MON2: variants seen among roughly 807,000 people sequenced by gnomAD.
MON2 encodes protein MON2 homolog.
A neutral mutation model predicts 208.6 loss-of-function variants in MON2; 84 were observed. The observed-to-expected ratio is 0.40, with a 90% CI of 0.34 to 0.48. The LOEUF is 0.48. MON2 is among the 20% of genes least tolerant of loss of function. The pLI is 0.59. For synonymous variants in MON2, 660 were observed against 694.0 expected, an observed-to-expected ratio of 0.95 and a Z score of 0.77; for missense variants, 1,611 against 2,015.4, an observed-to-expected ratio of 0.80 and a Z score of 3.84.
intron 1 of MON2, among the ~76,000 whole-genome samples, chr12:62,474,688 T>C (rs998767903): frequency 1.2e-4 from 19 of 152,174 alleles, no homozygotes; most frequent in African/African-American, 4.6e-4. Flanking sequence ...CCTCTCAAAG[T>C]GCTAGGATTA....
intron 4 of MON2, among the ~76,000 whole-genome samples, chr12:62,498,648 T>A (rs2070671738): frequency 6.6e-6 from 1 of 152,200 alleles, no homozygotes; most frequent in Admixed American, 6.5e-5. Flanking sequence ...AAGCACGTCA[T>A]TCTGGGGAAA....
intron 30 of MON2, among the ~76,000 whole-genome samples, chr12:62,575,604 C>G (rs2074743708): frequency 6.6e-6 from 1 of 152,194 alleles, no homozygotes. Context: ...TACTCTAAGA[C>G]TTTAAGAATA....
Position 62,565,684 on chromosome 12 carries a change from G to A in MON2, c.4176+304G>A, listed in dbSNP as rs183017809. 3.7e-3 allele frequency among the ~76,000 whole-genome samples: 561 copies of A among 151,792 alleles called. 2 individuals are homozygous for A. The highest frequency in any genetic ancestry group is 0.01 in the Middle Eastern group (3 of 294). On this transcript the variant is annotated intron_variant, in intron 27 of 34. Transcript: ENST00000393630. ...TAAGTTCCTTTGTACCTCTTTCTTG[G>A]TTGCCCCATCCCAATACAAAACAGC...
chr12:62,563,228 A>G (rs2074260705), intron 26 of MON2, among the ~76,000 whole-genome samples: 1 of 152,210 alleles, frequency 6.6e-6, no homozygotes, highest in Non-Finnish European at 1.5e-5. Flanking sequence ...CCTCATCTAT[A>G]AAGTAAAAAT....
chr12:62,529,372 T>TA (rs1399785642), intron 11 of MON2, among the ~76,000 whole-genome samples: 1 of 152,140 alleles, frequency 6.6e-6, no homozygotes, highest in African/African-American at 2.4e-5. Context: ...ATTAAAAAAG[T>TA]AGAGTCCCAG....
At chr12:62,539,514 G>A (rs866843108) in intron 19 of MON2, among the ~76,000 whole-genome samples, 4 of 151,502 alleles carry the variant, frequency 2.6e-5, no homozygotes, top group Admixed American at 1.3e-4. Flanking sequence ...TGATCCGCCC[G>A]CCTCAGCCTC....
At chr12:62,496,248 TCTAG>T (rs1205613937) in intron 4 of MON2, among the ~76,000 whole-genome samples, 2 of 152,088 alleles carry the variant, frequency 1.3e-5, no homozygotes, top group Admixed American at 1.3e-4. Flanking sequence ...CCTCTTGGTT[TCTAG>T]CTATCAAATT....
chr12:62,571,340 TTGTG>T (rs1251399333), intron 29 of MON2, 48 bp from the exon 30 acceptor site: 1 of 1,247,120 alleles, frequency 8.0e-7, no homozygotes, highest in Non-Finnish European at 1.1e-6. Context: ...TTAATTAAAA[TTGTG>T]TGTGTATGTT....
At chr12:62,513,398 G>A (rs1368117498) in intron 8 of MON2, among the ~76,000 whole-genome samples, 1 of 151,846 alleles carries the variant, frequency 6.6e-6, no homozygotes, top group East Asian at 2.0e-4. Context: ...GCTAATTTTT[G>A]TATTTTTAGT....
intron 1 of MON2, 115 bp downstream of exon 1, chr12:62,467,433 T>A (rs2068571811): frequency 2.5e-6 from 2 of 807,600 alleles, no homozygotes; most frequent in Admixed American, 4.6e-5. Flanking sequence ...CCTTTCCAGA[T>A]TTGTGAGTCG....
rs983215009 is a variant in MON2 at position 62,595,883 on chromosome 12, T to C, written c.*3134T>C. ...TTCTTGTTTCTTGTTTTTTCCATTATATGGTTATCGATTCAACTCTTGCTA... is the reference window on the plus strand; with the variant it reads ...TTCTTGTTTCTTGTTTTTTCCATTACATGGTTATCGATTCAACTCTTGCTA... On this transcript the variant is annotated 3_prime_UTR_variant, in exon 35 of 35. Transcript: ENST00000393630. 1 of 152,254 alleles carries C rather than the reference T, an allele frequency of 6.6e-6. No homozygotes were observed. The highest frequency in any genetic ancestry group is 1.5e-5 in the Non-Finnish European group (1 of 68,042). The allele number at this position is 152,254 out of a possible 1,614,324, so 9.4% of individuals were successfully genotyped here.
intron 26 of MON2, among the ~76,000 whole-genome samples, chr12:62,564,002 T>C (rs1402843349): frequency 6.6e-6 from 1 of 152,020 alleles, no homozygotes; most frequent in Non-Finnish European, 1.5e-5. Flanking sequence ...ATTTTTAGAG[T>C]GTATAAATTT....
intron 4 of MON2, 83 bp downstream of exon 4, chr12:62,495,230 A>G (rs1592864899): frequency 2.3e-6 from 3 of 1,313,312 alleles, no homozygotes; most frequent in East Asian, 2.4e-5. Context: ...GCTTGGTGCC[A>G]TTTGAACCAA....
intron 1 of MON2, among the ~76,000 whole-genome samples, chr12:62,478,275 A>G (rs1309808104): frequency 6.6e-6 from 1 of 152,182 alleles, no homozygotes; most frequent in African/African-American, 2.4e-5. Context: ...AATGAGATCT[A>G]TTTCTTATCT....
chr12:62,594,396 A>G lies in MON2; in HGVS notation c.*1647A>G, dbSNP rs1301145386. 6.6e-6 allele frequency: 1 copy of G among 152,150 alleles called. No homozygotes were observed. Among genetic ancestry groups the G allele is most frequent in the Non-Finnish European group, 1.5e-5 (1 of 67,990 alleles). 9.4% of individuals were successfully genotyped at this position (152,150 alleles called of 1,614,324 possible). ...TATTTACATGAATTACTGAATTTCT[A>G]TTTTATTATTTCACCTAAAATTAAG... On this transcript the variant is annotated 3_prime_UTR_variant, in exon 35 of 35. Transcript: ENST00000393630.
At chr12:62,590,224 G>A (rs2075354287) in intron 34 of MON2, among the ~76,000 whole-genome samples, 1 of 152,086 alleles carries the variant, frequency 6.6e-6, no homozygotes, top group Non-Finnish European at 1.5e-5. Flanking sequence ...CCAAGTAGCT[G>A]GGACTGCAGA....
At position 62,553,151 on chromosome 12, in the gene MON2, A is replaced by G; in HGVS notation, c.3187A>G (p.Thr1063Ala). ...GCATGGAACTTTATTACAGCATTCA[A>G]CCTGGCACACTGTTATCTGGAAGGT... ...GAHGTLLQHS[T>A]WHTVIWKVLF... Residue 1063 changes from threonine (T) to alanine (A), a missense_variant, in exon 24 of 35, where the codon ACC (threonine) becomes GCC (alanine). Transcript: ENST00000393630. 2 of 1,614,008 alleles carry G rather than the reference A, an allele frequency of 1.2e-6. No individual in the cohort carries two copies. The highest frequency in any genetic ancestry group is 1.7e-6 in the Non-Finnish European group (2 of 1,179,900).
intron 28 of MON2, 110 bp from the exon 29 acceptor site, chr12:62,566,212 C>A: frequency 7.1e-7 from 1 of 1,417,076 alleles, no homozygotes. Context: ...TATAATCTGA[C>A]CTAAAACCAA....
Position 62,598,623 on chromosome 12 carries a change from G to A in MON2, c.*5874G>A, listed in dbSNP as rs2075572084. 1 of 152,084 alleles carries A rather than the reference G, an allele frequency of 6.6e-6. No individual in the cohort carries two copies. The highest frequency in any genetic ancestry group is 2.1e-4 in the South Asian group (1 of 4,832). The allele number at this position is 152,084 out of a possible 1,614,324, so 9.4% of individuals were successfully genotyped here. A position where few individuals can be genotyped will look rare whatever the true frequency, so the allele number is the denominator to read the frequency against. The stretch of plus-strand genomic sequence containing the variant: ...ACCATATGGTGTTTATGTCAGACTG[G>A]ATATATTTATCTAATTTTGTGAAAT... On this transcript the variant is annotated 3_prime_UTR_variant, in exon 35 of 35. Transcript: ENST00000393630.
Sources: gnomAD v4.1 joint callset for allele counts (sites outside exome capture counted in the v4.1 genomes callset) on GRCh38, gnomAD v4.1.1 for gene constraint, MANE v1.5 for transcripts, NCBI Gene and HGNC (gene_info 2026-07-23, HGNC 2026-07-21) for gene names.